Variants in LPCAT2 observed in about 807,000 individuals in gnomAD.
LPCAT2 encodes the protein 1-AGP acyltransferase 11.
In LPCAT2, 58 loss-of-function variants were observed where a neutral mutation model predicts 64.7. The observed-to-expected ratio is 0.90, with a 90% CI of 0.73 to 1.12. The LOEUF is 1.12. Ranked by LOEUF, LPCAT2 falls within the 50% of genes most tolerant of loss-of-function variation. LPCAT2 has a pLI of 0.00. For synonymous variants in LPCAT2, 252 were observed against 245.3 expected, an observed-to-expected ratio of 1.03 and a Z score of -0.26; for missense variants, 579 against 669.8, an observed-to-expected ratio of 0.86 and a Z score of 1.50.
intron 8 of LPCAT2, among the ~76,000 whole-genome samples, chr16:55,544,449 C>A (rs967767346): frequency 6.6e-6 from 1 of 152,132 alleles, no homozygotes; most frequent in Non-Finnish European, 1.5e-5. Flanking sequence ...GAATGGAGAG[C>A]TTCTTGAGGG....
chr16:55,558,175 A>G lies in LPCAT2; in HGVS notation c.1215+7073A>G, dbSNP rs563285369. Among the ~76,000 whole-genome samples, 7 of 152,360 alleles carry G rather than the reference A, an allele frequency of 4.6e-5. No homozygotes were observed. In the East Asian group the frequency reaches 1.3e-3, roughly 29 times the overall value. ...TGGTTTAAAACAATGACTTCTCAACATTTTATATGTTTATAATTCAGATTA... is the reference window on the plus strand; with the variant it reads ...TGGTTTAAAACAATGACTTCTCAACGTTTTATATGTTTATAATTCAGATTA... On this transcript the variant is annotated intron_variant, in intron 11 of 13. Transcript: ENST00000262134.
At chr16:55,554,608 T>G (rs1350553241) in intron 11 of LPCAT2, among the ~76,000 whole-genome samples, 59 of 152,190 alleles carry the variant, frequency 3.9e-4, no homozygotes, top group Non-Finnish European at 8.8e-5. Flanking sequence ...CTGTTTCACT[T>G]TCTTATTATT....
intron 1 of LPCAT2, among the ~76,000 whole-genome samples, chr16:55,520,343 G>A (rs1963077677): frequency 6.6e-6 from 1 of 152,052 alleles, no homozygotes; most frequent in African/African-American, 2.4e-5. Context: ...AGCACTTAAT[G>A]TTTATGTACG....
Position 55,583,056 on chromosome 16 carries a change from T to A in LPCAT2, c.1593T>A (p.Pro531=), listed in dbSNP as rs1166390855. ...CCACCGCCAGTAATAAAGTCAGCCCTGAAAAGCATGAAGAGAGTACCTCAG... is the reference window on the plus strand; with the variant it reads ...CCACCGCCAGTAATAAAGTCAGCCCAGAAAAGCATGAAGAGAGTACCTCAG... ...TPSTASNKVS[P]EKHEESTSDK... is the part of the protein sequence containing the mutation. Residue 531 remains proline (P), a synonymous_variant, in exon 14 of 14, where the codon CCT becomes CCA. Transcript: ENST00000262134. 1 of 1,613,742 alleles carries A rather than the reference T, an allele frequency of 6.2e-7. No homozygotes were observed. The highest frequency in any genetic ancestry group is 8.5e-7 in the Non-Finnish European group (1 of 1,179,802).
At chr16:55,569,080 C>T (rs768808134) in intron 11 of LPCAT2, among the ~76,000 whole-genome samples, 1 of 152,186 alleles carries the variant, frequency 6.6e-6, no homozygotes, top group Non-Finnish European at 1.5e-5. Context: ...CCTCTTTGGA[C>T]TCATTTAGAA....
intron 13 of LPCAT2, among the ~76,000 whole-genome samples, chr16:55,579,468 C>A (rs1208187410): frequency 2.0e-5 from 3 of 152,066 alleles, no homozygotes; most frequent in Non-Finnish European, 4.4e-5. Flanking sequence ...TATATTAACC[C>A]ATTTAATCTT....
chr16:55,528,263 A>G, intron 2 of LPCAT2, 114 bp from the exon 3 acceptor site: 1 of 754,356 alleles, frequency 1.3e-6, no homozygotes, highest in South Asian at 1.9e-5. Context: ...CTCAGCTCAT[A>G]TTTTCATATG....
At position 55,529,888 on chromosome 16, in the gene LPCAT2, CGAAA is replaced by C; in HGVS notation, c.584_587del (p.Arg195GlnfsTer4). 6.3e-7 allele frequency: 1 copy of C among 1,592,908 alleles called. No individual in the cohort carries two copies. Among genetic ancestry groups the C allele is most frequent in the Non-Finnish European group, 8.5e-7 (1 of 1,170,762 alleles). Reference sequence around the variant, plus strand: ...GGTGTCCCGTGTAGATCCGGATTCCCGAAAAAACACAATAAATGAAATAATAAAG... The same window carrying C: ...GGTGTCCCGTGTAGATCCGGATTCCCAAACACAATAAATGAAATAATAAAG... On this transcript the variant is annotated frameshift_variant, in exon 4 of 14. Transcript: ENST00000262134. LOFTEE classifies it high-confidence loss of function.
chr16:55,564,699 T>C (rs532387767), intron 11 of LPCAT2, among the ~76,000 whole-genome samples: 6 of 152,012 alleles, frequency 3.9e-5, no homozygotes, highest in African/African-American at 1.4e-4. Flanking sequence ...TAACTCAAAA[T>C]GGATCAAAGA....
chr16:55,524,699 A>G, intron 1 of LPCAT2, among the ~76,000 whole-genome samples: 1 of 152,046 alleles, frequency 6.6e-6, no homozygotes, highest in Non-Finnish European at 1.5e-5. Context: ...AAAAAAGGCA[A>G]TGTGTCATAC....
At position 55,525,576 on chromosome 16, in the gene LPCAT2, A is replaced by G. The variant is rs188298474; in HGVS notation, c.240A>G (p.Ala80=). 7.4e-6 allele frequency: 12 copies of G among 1,612,186 alleles called. No homozygotes were observed. The highest frequency in any genetic ancestry group is 1.0e-5 in the Non-Finnish European group (12 of 1,178,914). Residue 80 remains alanine, a synonymous_variant, in exon 2 of 14, where the codon GCA becomes GCG. Transcript: ENST00000262134. The stretch of plus-strand genomic sequence containing the variant: ...TGGTTGCGTTAATTTTATTACTTGC[A>G]TGGCCATTTGCTGCAATTTCAACAG... ...VLLVALILLL[A]WPFAAISTVC... is the part of the protein sequence containing the mutation.
chr16:55,559,577 G>T (rs907612333), intron 11 of LPCAT2, among the ~76,000 whole-genome samples: 2 of 152,096 alleles, frequency 1.3e-5, no homozygotes, highest in Non-Finnish European at 2.9e-5. Flanking sequence ...TGAGAGTTAG[G>T]ACAGGGCACT....
intron 6 of LPCAT2, among the ~76,000 whole-genome samples, chr16:55,533,400 T>G (rs1175799784): frequency 6.9e-6 from 1 of 145,584 alleles, no homozygotes; most frequent in East Asian, 2.0e-4. Flanking sequence ...TTTTTTTGTT[T>G]TTCGGGTTTT....
intron 1 of LPCAT2, among the ~76,000 whole-genome samples, chr16:55,521,429 A>G (rs1963094194): frequency 1.3e-5 from 2 of 151,806 alleles, no homozygotes; most frequent in Admixed American, 1.3e-4. Context: ...CACTCACACA[A>G]GCTCTTTCAG....
In LPCAT2 at chr16:55,509,272, C is replaced by T; in HGVS notation, c.91C>T (p.Arg31Cys). 1 of 1,510,468 alleles carries T rather than the reference C, an allele frequency of 6.6e-7. No homozygotes were observed. Among genetic ancestry groups the T allele is most frequent in the Non-Finnish European group, 8.9e-7 (1 of 1,122,192 alleles). 93.6% of individuals were successfully genotyped at this position (1,510,468 alleles called of 1,614,324 possible). ...GGGGCTGCGGCCGCCCATGGTGCCC[C>T]GTCAGGCGTCCTTCTTCCCGCCGCC... is the stretch of plus-strand genomic sequence containing the variant. ...NVGLRPPMVP[R>C]QASFFPPPVP... The change falls in exon 1 of 14, where the codon CGT (arginine) becomes TGT (cysteine). Residue 31 changes from arginine to cysteine, a missense_variant. By Grantham distance (180) the Arg-to-Cys change is radical (BLOSUM62 -3). Transcript: ENST00000262134.
intron 11 of LPCAT2, chr16:55,567,246 G>A (rs1182315899): frequency 1.2e-6 from 2 of 1,613,706 alleles, no homozygotes; most frequent in Non-Finnish European, 8.5e-7. Flanking sequence ...GTATGACAGG[G>A]ACCATTCTGG....
In LPCAT2 at chr16:55,586,311, A is replaced by C. The variant is rs1963945570; in HGVS notation, c.*3213A>C. ...TTCTCAAGCGTCTGTGTAACAAGCC[A>C]CATGTTCTAACAAATTGTCTCCATC... On this transcript the variant is annotated 3_prime_UTR_variant, in exon 14 of 14. Transcript: ENST00000262134. The C allele has an allele frequency of 6.6e-6, 1 of 152,204 alleles. No homozygotes were observed. Among genetic ancestry groups the C allele is most frequent in the Non-Finnish European group, 1.5e-5 (1 of 68,038 alleles). 9.4% of individuals were successfully genotyped at this position (152,204 alleles called of 1,614,324 possible).
At chr16:55,509,484 C>T (rs1277330809) in intron 1 of LPCAT2, 132 bp downstream of exon 1, 99 of 979,068 alleles carry the variant, frequency 1.0e-4, no homozygotes, top group Non-Finnish European at 1.3e-4. Context: ...GTGAGGTGGT[C>T]CGAGGCGGGC....
chr16:55,544,950 A>T (rs1417076378), intron 8 of LPCAT2, among the ~76,000 whole-genome samples: 1 of 152,214 alleles, frequency 6.6e-6, no homozygotes, highest in Non-Finnish European at 1.5e-5. Context: ...ATATGGGGTT[A>T]TTAATGTGTT....
Sources: gnomAD v4.1 joint callset for allele counts (sites outside exome capture counted in the v4.1 genomes callset) on GRCh38, gnomAD v4.1.1 for gene constraint, MANE v1.5 for transcripts, NCBI Gene and HGNC (gene_info 2026-07-23, HGNC 2026-07-21) for gene names.